Variants in TUBB8 observed in about 807,000 individuals in gnomAD.
The protein encoded by TUBB8 is tubulin beta-8 chain.
TUBB8 carries 25 observed loss-of-function variants against 33.7 expected under a neutral mutation model. That is an observed-to-expected ratio of 0.74 (90% CI 0.54 to 1.04). The LOEUF (loss-of-function observed/expected upper bound fraction) is 1.04. Among genes scored for constraint, TUBB8 ranks in the 50% least tolerant of loss-of-function variants. TUBB8 has a pLI of 0.00. For synonymous variants in TUBB8, 245 were observed against 240.1 expected, an observed-to-expected ratio of 1.02 and a Z score of -0.19; for missense variants, 279 against 608.0, an observed-to-expected ratio of 0.46 and a Z score of 5.69.
intron 1 of TUBB8, among the ~76,000 whole-genome samples, chr10:54,876 G>C (rs1370461922): frequency 1.3e-5 from 2 of 152,140 alleles, no homozygotes; most frequent in Non-Finnish European, 2.9e-5. Flanking sequence ...CTCTGCCTCA[G>C]CCTCTTGAGT....
chr10:63,454 T>G (rs538203620), intron 1 of TUBB8, among the ~76,000 whole-genome samples: 56 of 152,360 alleles, frequency 3.7e-4, no homozygotes, highest in African/African-American at 1.2e-3. Context: ...TTGAGGCTAT[T>G]TTTTAGATTC....
chr10:61,238 A>C (rs1834598286), intron 1 of TUBB8, among the ~76,000 whole-genome samples: 1 of 152,092 alleles, frequency 6.6e-6, no homozygotes, highest in South Asian at 2.1e-4. Context: ...TAAAAGAAAA[A>C]TAAATAAAGA....
intron 1 of TUBB8, among the ~76,000 whole-genome samples, chr10:62,497 T>C (rs1834615909): frequency 6.6e-6 from 1 of 152,284 alleles, no homozygotes; most frequent in South Asian, 2.1e-4. Flanking sequence ...TACTGGTTTA[T>C]TGTTTACTCT....
chr10:63,030 G>A (rs1834623373), intron 1 of TUBB8, among the ~76,000 whole-genome samples: 1 of 151,872 alleles, frequency 6.6e-6, no homozygotes, highest in African/African-American at 2.4e-5. Context: ...GATATCGAAT[G>A]TTGGGGAATT....
upstream of TUBB8, among the ~76,000 whole-genome samples, chr10:76,551 CCCT>C (rs1216667970): frequency 6.6e-6 from 1 of 152,204 alleles, no homozygotes; most frequent in East Asian, 1.9e-4. Context: ...AAGCCCCGGC[CCCT>C]CCGGGGTGGG....
intron 3 of TUBB8, 76 bp downstream of exon 3, chr10:48,539 G>C: frequency 7.2e-7 from 1 of 1,394,980 alleles, no homozygotes. Flanking sequence ...GTTCCCAGAG[G>C]ATGACCTTAG....
intron 3 of TUBB8, 71 bp from the exon 4 acceptor site, chr10:48,185 A>G (rs541578652): frequency 1.2e-4 from 127 of 1,052,642 alleles, no homozygotes; most frequent in Non-Finnish European, 1.8e-4. Context: ...CATAATGCAG[A>G]AAGAGCCAAG....
At chr10:75,602 C>T (rs1258784400), upstream of TUBB8, among the ~76,000 whole-genome samples, 1 of 147,266 alleles carries the variant, frequency 6.8e-6, no homozygotes, top group African/African-American at 2.5e-5. Context: ...TTGCAGTGAG[C>T]CAAGATCGCA....
chr10:51,441 G>A (rs868942497), upstream of TUBB8, among the ~76,000 whole-genome samples: 1 of 152,198 alleles, frequency 6.6e-6, no homozygotes, highest in African/African-American at 2.4e-5. Context: ...CTGCTGCCAT[G>A]TAGAAGATGT....
chr10:67,644 T>C (rs1157601814), intron 1 of TUBB8, among the ~76,000 whole-genome samples: 4 of 152,222 alleles, frequency 2.6e-5, no homozygotes, highest in Non-Finnish European at 5.9e-5. Flanking sequence ...CAGGATGGTA[T>C]TGATCTCCTG....
intron 1 of TUBB8, among the ~76,000 whole-genome samples, chr10:63,993 C>A (rs1478454602): frequency 2.6e-5 from 4 of 152,160 alleles, no homozygotes; most frequent in Non-Finnish European, 4.4e-5. Flanking sequence ...CAGTAGCAAA[C>A]ACGTAAAGGT....
chr10:68,522 T>G (rs535693579), intron 1 of TUBB8, among the ~76,000 whole-genome samples: 24 of 152,248 alleles, frequency 1.6e-4, no homozygotes, highest in Non-Finnish European at 2.4e-4. Context: ...TGACCTGAAT[T>G]TGGACTGGGT....
At chr10:71,271 T>C (rs4881490) in intron 1 of TUBB8, among the ~76,000 whole-genome samples, 41,167 of 146,830 alleles carry the variant, frequency 0.28, 6,128 homozygotes, top group Middle Eastern at 0.43. Context: ...GCGGAGATCG[T>C]GCCACTACAC....
At chr10:61,788 C>CAT (rs1248370211) in intron 1 of TUBB8, among the ~76,000 whole-genome samples, 4 of 152,174 alleles carry the variant, frequency 2.6e-5, no homozygotes, top group Non-Finnish European at 1.5e-5. Context: ...GTGTTGGGTG[C>CAT]ATATATATTT....
chr10:61,622 T>C (rs186974245), intron 1 of TUBB8, among the ~76,000 whole-genome samples: 1 of 152,274 alleles, frequency 6.6e-6, no homozygotes, highest in South Asian at 2.1e-4. Context: ...TCATTTGTTA[T>C]ACAGTGCAGA....
Position 72,988 on chromosome 10 carries a change from AAG to A in TUBB8, c.-846+979_-846+980del, listed in dbSNP as rs1178461060. Among the ~76,000 whole-genome samples, 272 of 152,322 alleles carry A rather than the reference AAG, an allele frequency of 1.8e-3. 4 individuals carry two copies. The highest frequency in any genetic ancestry group is 6.3e-3 in the African/African-American group (263 of 41,570). ...TGCTGAAGGCCAAGGGAAAAAAAAA[AAG>A]ATTAGTGACTTTCTTCAATTAATTT... On this transcript the variant is annotated intron_variant, in intron 1 of 3. Transcript: ENST00000564130.
At chr10:46,596 C>T (rs556559414), downstream of TUBB8, among the ~76,000 whole-genome samples, 7 of 141,968 alleles carry the variant, frequency 4.9e-5, no homozygotes, top group South Asian at 2.3e-4. Context: ...CCCCTTTTAA[C>T]GTTCCAGAAA....
chr10:53,206 A>T (rs1430926532), upstream of TUBB8, among the ~76,000 whole-genome samples: 2 of 152,150 alleles, frequency 1.3e-5, no homozygotes, highest in African/African-American at 4.8e-5. Flanking sequence ...TGCCTTACTG[A>T]AACGTCTGCC....
intron 1 of TUBB8, among the ~76,000 whole-genome samples, chr10:71,923 A>G (rs1337550986): frequency 7.3e-6 from 1 of 136,386 alleles, no homozygotes; most frequent in Non-Finnish European, 1.6e-5. Context: ...AAAAAAAAAA[A>G]TCAATCAATA....
Sources: allele counts gnomAD v4.1 joint callset (sites outside exome capture counted in the v4.1 genomes callset), GRCh38; gene constraint gnomAD v4.1.1; transcripts MANE v1.5; gene names NCBI Gene and HGNC (gene_info 2026-07-23, HGNC 2026-07-21).